The following NRXN3 variants were observed in gnomAD, a reference collection of about 807,000 sequenced individuals.
NRXN3 encodes the protein neurexin III.
In NRXN3, 32 loss-of-function variants were observed where a neutral mutation model predicts 137.6. The observed-to-expected ratio is 0.23, with a 90% CI of 0.18 to 0.31. The LOEUF (loss-of-function observed/expected upper bound fraction) is 0.31, where lower values mean the gene tolerates loss of function less well. Ranked by LOEUF, NRXN3 falls within the 10% of genes least tolerant of loss-of-function variation. The pLI is 1.00. For missense variants in NRXN3, 1,574 were observed against 2,062.5 expected (o/e 0.76, Z 4.59); for synonymous variants, 798 against 784.5 (o/e 1.02, Z -0.29).
chr14:79,369,524 A>G (rs1291837892), intron 15 of NRXN3, among the ~76,000 whole-genome samples: 1 of 152,216 alleles, frequency 6.6e-6, no homozygotes, highest in African/African-American at 2.4e-5. Context: ...GACCTGGTGC[A>G]TGGAATGAGA....
At chr14:79,332,414 G>T (rs538073410) in intron 15 of NRXN3, among the ~76,000 whole-genome samples, 14 of 152,254 alleles carry the variant, frequency 9.2e-5, no homozygotes, top group African/African-American at 3.1e-4. Flanking sequence ...GTTCCAGTCC[G>T]CAATACGTCC....
Position 79,279,892 on chromosome 14 carries a change from C to T in NRXN3, c.3263-187329C>T, listed in dbSNP as rs566839049. On this transcript the variant is annotated intron_variant, in intron 15 of 20. Transcript: ENST00000335750. ...TTCGGGCTGCCTCCTTCTCTTCCTT[C>T]ATTGCCACCTTTCCTCTGTGTGGCT... 63 of 1,020,198 alleles carry T rather than the reference C, an allele frequency of 6.2e-5. No individual in the cohort carries two copies. In the Middle Eastern group the frequency reaches 3.5e-3, roughly 56 times the overall value. 63.2% of individuals were successfully genotyped at this position (1,020,198 alleles called of 1,614,324 possible). A position where few individuals can be genotyped will look rare whatever the true frequency, so the allele number is the denominator to read the frequency against.
intron 15 of NRXN3, among the ~76,000 whole-genome samples, chr14:79,164,863 T>A (rs1234887564): frequency 6.6e-6 from 1 of 151,980 alleles, no homozygotes; most frequent in Non-Finnish European, 1.5e-5. Context: ...CACATGCATA[T>A]GAAAGCAGAC....
At position 79,314,531 on chromosome 14, in the gene NRXN3, A is replaced by G. The variant is rs572681047; in HGVS notation, c.3263-152690A>G. On this transcript the variant is annotated intron_variant, in intron 15 of 20. Transcript: ENST00000335750. Reference sequence around the variant, plus strand: ...CCAGGCTTGCTTAGGTAAACAAAGCAGCCGGGAAGCTCGAACTGGGTGGAG... The same window carrying G: ...CCAGGCTTGCTTAGGTAAACAAAGCGGCCGGGAAGCTCGAACTGGGTGGAG... Among the ~76,000 whole-genome samples, 107 of 40,276 alleles carry G rather than the reference A, an allele frequency of 2.7e-3. 3 individuals are homozygous for G. In the Middle Eastern group the frequency reaches 0.062, roughly 24 times the overall value. The allele number at this position is 40,276 out of a possible 152,430, so 26.4% of individuals were successfully genotyped here. A position where few individuals can be genotyped will look rare whatever the true frequency, so the allele number is the denominator to read the frequency against.
chr14:79,181,885 T>A (rs542620297), intron 15 of NRXN3, among the ~76,000 whole-genome samples: 1 of 152,164 alleles, frequency 6.6e-6, no homozygotes, highest in East Asian at 1.9e-4. Context: ...ACCATAGGTT[T>A]CTCTCTGTCC....
intron 10 of NRXN3, among the ~76,000 whole-genome samples, chr14:78,919,112 C>A (rs577713726): frequency 6.6e-6 from 1 of 152,110 alleles, no homozygotes; most frequent in Non-Finnish European, 1.5e-5. Context: ...TCACATAGAA[C>A]AGATGAACTA....
chr14:78,864,342 T>C (rs902685325), intron 10 of NRXN3, among the ~76,000 whole-genome samples: 2 of 152,200 alleles, frequency 1.3e-5, no homozygotes, highest in African/African-American at 2.4e-5. Context: ...TATGGATCTA[T>C]ATTTTTTAAA....
chr14:79,651,768 A>G (rs1603348471), intron 16 of NRXN3, among the ~76,000 whole-genome samples: 2 of 152,264 alleles, frequency 1.3e-5, no homozygotes, highest in Non-Finnish European at 2.9e-5. Flanking sequence ...CCAGATAGGA[A>G]AGTGTGCCTC....
chr14:78,672,677 A>G (rs555530246), intron 6 of NRXN3, among the ~76,000 whole-genome samples: 1 of 152,230 alleles, frequency 6.6e-6, no homozygotes, highest in Non-Finnish European at 1.5e-5. Context: ...CTAGCATAAC[A>G]TACCGATATA....
intron 15 of NRXN3, among the ~76,000 whole-genome samples, chr14:79,019,800 CAG>C (rs2099585664): frequency 6.6e-6 from 1 of 152,110 alleles, no homozygotes; most frequent in Admixed American, 6.5e-5. Context: ...AGACCAATGA[CAG>C]TGGATTGGTG....
At chr14:78,956,707 T>C (rs1170456024) in intron 10 of NRXN3, among the ~76,000 whole-genome samples, 1 of 152,200 alleles carries the variant, frequency 6.6e-6, no homozygotes, top group African/African-American at 2.4e-5. Flanking sequence ...ACTATTGTGA[T>C]TTCTATGGTC....
chr14:79,561,510 C>T (rs998475234), intron 16 of NRXN3, among the ~76,000 whole-genome samples: 1 of 152,070 alleles, frequency 6.6e-6, no homozygotes, highest in Non-Finnish European at 1.5e-5. Context: ...CTATGTTTTG[C>T]TTTATTTTAT....
chr14:78,403,761 G>A (rs2092283217), intron 4 of NRXN3: 1 of 985,380 alleles, frequency 1.0e-6, no homozygotes. Flanking sequence ...AGGACTGGAG[G>A]GCTTGAGGAA....
chr14:79,379,546 G>T (rs890334696), intron 15 of NRXN3, among the ~76,000 whole-genome samples: 1 of 152,094 alleles, frequency 6.6e-6, no homozygotes, highest in Admixed American at 6.5e-5. Context: ...TATCTAAAAG[G>T]CCTCTCCCAT....
At chr14:79,576,382 A>T (rs1291433845) in intron 16 of NRXN3, among the ~76,000 whole-genome samples, 1 of 152,166 alleles carries the variant, frequency 6.6e-6, no homozygotes, top group Non-Finnish European at 1.5e-5. Context: ...ACAGCACAAC[A>T]CCTTCTTTCC....
intron 14 of NRXN3, among the ~76,000 whole-genome samples, chr14:78,982,032 G>A (rs751967613): frequency 3.3e-5 from 5 of 152,072 alleles, no homozygotes; most frequent in Non-Finnish European, 1.5e-5. Flanking sequence ...ATACCAAAGA[G>A]TTCTTGTCAG....
chr14:79,156,830 GGCAGAATTTCTTAACC>G (rs2060294269), intron 15 of NRXN3, among the ~76,000 whole-genome samples: 1 of 151,642 alleles, frequency 6.6e-6, no homozygotes, highest in African/African-American at 2.4e-5. Flanking sequence ...TTCTTTTTAT[GGCAGAATTTCTTAACC>G]TCAGCACTGC....
intron 4 of NRXN3, among the ~76,000 whole-genome samples, chr14:78,328,572 A>T (rs541346005): frequency 3.9e-5 from 6 of 152,354 alleles, no homozygotes; most frequent in Admixed American, 1.3e-4. Flanking sequence ...GAATTTGATC[A>T]TTTATTTAGT....
intron 10 of NRXN3, among the ~76,000 whole-genome samples, chr14:78,887,538 T>G (rs1048433229): frequency 6.6e-6 from 1 of 152,064 alleles, no homozygotes; most frequent in South Asian, 2.1e-4. Flanking sequence ...CTGATTTTTT[T>G]CCCCCAGTAT....
Sources: allele counts gnomAD v4.1 joint callset (sites outside exome capture counted in the v4.1 genomes callset), GRCh38; gene constraint gnomAD v4.1.1; transcripts MANE v1.5; gene names NCBI Gene and HGNC (gene_info 2026-07-23, HGNC 2026-07-21).